The following RNF157 variants were observed in gnomAD, a reference collection of about 807,000 sequenced individuals.
The protein encoded by RNF157 is ring finger protein 157, also known as E3 ubiquitin ligase RNF157.
Under a neutral mutation model 88.3 loss-of-function variants are expected in RNF157, and 55 were observed. That is an observed-to-expected ratio of 0.62 (90% CI 0.50 to 0.78). RNF157 has a LOEUF of 0.78. Ranked by LOEUF, RNF157 falls within the 30% of genes least tolerant of loss-of-function variation. RNF157 has a pLI of 0.00. For synonymous variants in RNF157, 334 were observed against 341.2 expected, an observed-to-expected ratio of 0.98 and a Z score of 0.23; for missense variants, 788 against 860.8, an observed-to-expected ratio of 0.92 and a Z score of 1.06.
chr17:76,177,783 C>T (rs563348957), intron 2 of RNF157, among the ~76,000 whole-genome samples: 1 of 152,230 alleles, frequency 6.6e-6, no homozygotes, highest in South Asian at 2.1e-4. Context: ...TACTCCAGTG[C>T]CTCCTCTCTG....
At chr17:76,208,699 C>T (rs1045224774) in intron 2 of RNF157, among the ~76,000 whole-genome samples, 6 of 152,140 alleles carry the variant, frequency 3.9e-5, no homozygotes, top group African/African-American at 4.8e-5. Flanking sequence ...TTTGCCAGCG[C>T]GGTGGCTCAC....
intron 3 of RNF157, among the ~76,000 whole-genome samples, 153 bp from the exon 4 acceptor site, chr17:76,167,950 C>A (rs888643854): frequency 1.3e-5 from 2 of 152,178 alleles, no homozygotes; most frequent in African/African-American, 4.8e-5. Flanking sequence ...TGCTTCATGA[C>A]CCATGTTGCT....
At chr17:76,216,570 G>A (rs868490889) in intron 1 of RNF157, among the ~76,000 whole-genome samples, 14 of 150,922 alleles carry the variant, frequency 9.3e-5, no homozygotes, top group Middle Eastern at 7.2e-3. Flanking sequence ...AACATGGTGA[G>A]GCTCTGTCTC....
intron 12 of RNF157, among the ~76,000 whole-genome samples, chr17:76,158,823 G>C (rs948707961): frequency 6.6e-6 from 1 of 152,138 alleles, no homozygotes; most frequent in African/African-American, 2.4e-5. Flanking sequence ...TGTCAGAAGC[G>C]CTAAGTTTTA....
intron 1 of RNF157, among the ~76,000 whole-genome samples, chr17:76,217,748 T>C (rs1407678591): frequency 6.6e-6 from 1 of 152,208 alleles, no homozygotes; most frequent in East Asian, 1.9e-4. Flanking sequence ...CACCCTTGCC[T>C]ATTTGCTAAC....
intron 1 of RNF157, among the ~76,000 whole-genome samples, chr17:76,213,265 C>T (rs1017791043): frequency 1.3e-5 from 2 of 152,036 alleles, no homozygotes; most frequent in East Asian, 3.9e-4. Context: ...TGGAATGCAA[C>T]TCTTAAAATC....
intron 3 of RNF157, 24 bp downstream of exon 3, chr17:76,173,678 T>C: frequency 1.9e-6 from 3 of 1,563,274 alleles, no homozygotes; most frequent in Non-Finnish European, 2.6e-6. Context: ...GCCTGGGACC[T>C]GGCCCCAGCC....
intron 2 of RNF157, among the ~76,000 whole-genome samples, chr17:76,182,738 C>T (rs1250848347): frequency 2.4e-5 from 3 of 123,288 alleles, no homozygotes; most frequent in Non-Finnish European, 4.8e-5. Flanking sequence ...TTTTCATTTG[C>T]TATTAGATTC....
chr17:76,216,787 A>T (rs151338099), intron 1 of RNF157, among the ~76,000 whole-genome samples: 81 of 152,142 alleles, frequency 5.3e-4, no homozygotes, highest in African/African-American at 2.0e-3. Flanking sequence ...GCTACTCAAT[A>T]GGCTGAGGTG....
rs35297368 is a variant in RNF157, at chr17:76,172,607, CAAAAAAAAAAAA to C, written c.296+1083_296+1094del. Among the ~76,000 whole-genome samples the C allele has an allele frequency of 2.8e-4, 9 of 31,716 alleles. No homozygotes were observed. The East Asian group carries it at 8.5e-3, about 30-fold the overall frequency. 20.8% of individuals were successfully genotyped at this position (31,716 alleles called of 152,430 possible). A position where few individuals can be genotyped will look rare whatever the true frequency, so the allele number is the denominator to read the frequency against. ...GGGCAACAAGAGCAAAACTCCATCT[CAAAAAAAAAAAA>C]AAAAAAAAAAAAAAGGCGAGACTCT... On this transcript the variant is annotated intron_variant, in intron 3 of 18. Transcript: ENST00000269391.
Position 76,157,412 on chromosome 17 carries a change from T to G in RNF157, c.1413+981A>C, listed in dbSNP as rs1220364382. On this transcript the variant is annotated intron_variant, in intron 13 of 18. Coordinates refer to ENST00000269391, the MANE Select transcript of RNF157 (RefSeq NM_052916.3). This position sits in a 1 kb window ranked among gnomAD's most constrained non-coding sequence, Gnocchi z 5.6. ...CCCCTGGCTTGCTCCGAGCCCCGAC[T>G]TCCTGCTCTGTGCCTTTGCATGCAT... is the stretch of plus-strand genomic sequence containing the variant. Among the ~76,000 whole-genome samples, 1 of 152,234 alleles carries G rather than the reference T, an allele frequency of 6.6e-6. No individual in the cohort carries two copies. The highest frequency in any genetic ancestry group is 2.4e-5 in the African/African-American group (1 of 41,468).
intron 2 of RNF157, among the ~76,000 whole-genome samples, chr17:76,198,920 G>A (rs554209169): frequency 5.3e-5 from 8 of 152,332 alleles, no homozygotes; most frequent in African/African-American, 1.4e-4. Flanking sequence ...TGCACACACC[G>A]TCTGTTGGTG....
At chr17:76,159,281 G>A in intron 12 of RNF157, 54 bp downstream of exon 12, 2 of 1,479,440 alleles carry the variant, frequency 1.4e-6, no homozygotes, top group East Asian at 4.5e-5. Flanking sequence ...AAGGAGGGAT[G>A]AAGCATTTCA....
intron 8 of RNF157, chr17:76,164,515 G>C: frequency 2.8e-6 from 1 of 353,652 alleles, no homozygotes; most frequent in Non-Finnish European, 5.0e-6. Context: ...GAACAATGAA[G>C]ACCTCAAAAA....
chr17:76,240,376 T>G lies in RNF157; in HGVS notation c.-136A>C. ...CGGCTCCGCTGCGGCGCTGCGGCTC[T>G]GGCGGCGGGGAGCCCCCGGCGCGCC... On this transcript the variant is annotated 5_prime_UTR_variant, in exon 1 of 19. Coordinates refer to ENST00000269391, the MANE Select transcript of RNF157 (RefSeq NM_052916.3). The surrounding 1 kb of genome is among the most constrained non-coding windows in gnomAD (Gnocchi z 4.4). 4.8e-6 allele frequency: 1 copy of G among 210,200 alleles called. No homozygotes were observed. Among genetic ancestry groups the G allele is most frequent in the Non-Finnish European group, 8.0e-6 (1 of 124,622 alleles). The allele number at this position is 210,200 out of a possible 1,614,324, so 13.0% of individuals were successfully genotyped here.
At chr17:76,190,839 C>T (rs977189220) in intron 2 of RNF157, among the ~76,000 whole-genome samples, 3 of 147,774 alleles carry the variant, frequency 2.0e-5, no homozygotes, top group Non-Finnish European at 4.5e-5. Flanking sequence ...ACCCGGGAGG[C>T]GGAGCTTGCA....
chr17:76,159,189 T>C, intron 12 of RNF157, 146 bp downstream of exon 12: 2 of 683,344 alleles, frequency 2.9e-6, no homozygotes, highest in Non-Finnish European at 5.1e-6. Context: ...TCTTAATGGA[T>C]GGGATAACCT....
intron 1 of RNF157, among the ~76,000 whole-genome samples, chr17:76,236,316 T>C (rs2070281815): frequency 6.6e-6 from 1 of 152,258 alleles, no homozygotes; most frequent in Admixed American, 6.5e-5. Context: ...ATTATGCCTA[T>C]TTCTTCCTGG....
At chr17:76,156,521 G>A (rs2144819462) in intron 13 of RNF157, 200 bp from the exon 14 acceptor site, 2 of 985,398 alleles carry the variant, frequency 2.0e-6, no homozygotes, top group African/African-American at 1.7e-5. Context: ...TCCCAGGGGA[G>A]GCGCACACTT....
Sources: gnomAD v4.1 joint callset for allele counts (sites outside exome capture counted in the v4.1 genomes callset) on GRCh38, gnomAD v4.1.1 for gene constraint, Gnocchi (gnomAD v3.1) non-coding constraint, MANE v1.5 for transcripts, NCBI Gene and HGNC (gene_info 2026-07-23, HGNC 2026-07-21) for gene names.